Variants in SHPK observed in about 807,000 individuals in gnomAD.
SHPK encodes the protein carbohydrate kinase-like protein.
A neutral mutation model predicts 46.3 loss-of-function variants in SHPK; 51 were observed. The observed-to-expected ratio is 1.10, with a 90% CI of 0.88 to 1.39. SHPK has a LOEUF of 1.39. SHPK is among the 40% of genes most tolerant of loss of function. The pLI, the probability that SHPK is intolerant of heterozygous loss-of-function variation, is 0.00. For synonymous variants in SHPK, 290 were observed against 273.9 expected, an observed-to-expected ratio of 1.06 and a Z score of -0.58; for missense variants, 668 against 641.3, an observed-to-expected ratio of 1.04 and a Z score of -0.45.
Position 3,623,492 on chromosome 17 carries a change from C to A in SHPK, c.495-1G>T. ...GTCGTAGGACTTCAGGAACTCTGGG[C>A]TGTTTTTCATACCAAAAACAACCAA... is the stretch of plus-strand genomic sequence containing the variant. On this transcript the variant is annotated splice_acceptor_variant, in intron 3 of 6. Transcript: ENST00000225519. LOFTEE classifies it high-confidence loss of function. The A allele has an allele frequency of 6.2e-7, 1 of 1,613,856 alleles. No individual in the cohort carries two copies. The highest frequency in any genetic ancestry group is 8.5e-7 in the Non-Finnish European group (1 of 1,179,856).
At chr17:3,626,933 C>T (rs2075442104) in intron 2 of SHPK, among the ~76,000 whole-genome samples, 1 of 152,002 alleles carries the variant, frequency 6.6e-6, no homozygotes, top group Non-Finnish European at 1.5e-5. Flanking sequence ...CAGTTTTCCA[C>T]TCCCTTTGCC....
chr17:3,630,015 C>A (rs2075460632), intron 2 of SHPK, among the ~76,000 whole-genome samples, 190 bp downstream of exon 2: 1 of 152,074 alleles, frequency 6.6e-6, no homozygotes. Context: ...TGGGCAGTTC[C>A]TTTGTTCACC....
chr17:3,623,536 C>T (rs574320027), intron 3 of SHPK, 45 bp from the exon 4 acceptor site: 9 of 1,602,414 alleles, frequency 5.6e-6, no homozygotes, highest in African/African-American at 5.3e-5. Context: ...AACATGAACT[C>T]GGAAGCATGT....
rs368263104 is a variant in SHPK, at chr17:3,633,572, G to A, written c.168+2480C>T. Reference sequence around the variant, plus strand: ...CCAGAGCACGATTCATATGTGGTGTGGGGGGGTTAATGACTGGCCTCCGCT... The same window carrying A: ...CCAGAGCACGATTCATATGTGGTGTAGGGGGGTTAATGACTGGCCTCCGCT... On this transcript the variant is annotated intron_variant, in intron 1 of 6. Coordinates refer to ENST00000225519, the MANE Select transcript of SHPK (RefSeq NM_013276.4). 3.2e-4 allele frequency among the ~76,000 whole-genome samples: 48 copies of A among 152,144 alleles called. 1 individual carries two copies. Among genetic ancestry groups the A allele is most frequent in the African/African-American group, 1.1e-3 (46 of 41,510 alleles).
chr17:3,634,947 A>G (rs148874999), intron 1 of SHPK, among the ~76,000 whole-genome samples: 9,217 of 152,016 alleles, frequency 0.061, 296 homozygotes, highest in Middle Eastern at 0.12. Flanking sequence ...TGAAGTGGGC[A>G]GATCACTTGA....
In SHPK at chr17:3,609,346, AG is replaced by A. The variant is rs869160304; in HGVS notation, c.*1213del. 1.3e-5 allele frequency: 2 copies of A among 151,940 alleles called. No individual in the cohort carries two copies. The highest frequency in any genetic ancestry group is 2.9e-5 in the Non-Finnish European group (2 of 68,016). The allele number at this position is 151,940 out of a possible 1,614,324, so 9.4% of individuals were successfully genotyped here. A position where few individuals can be genotyped will look rare whatever the true frequency, so the allele number is the denominator to read the frequency against. On this transcript the variant is annotated 3_prime_UTR_variant, in exon 7 of 7. Transcript: ENST00000225519. ...CTGAGAGAGAGAGAGAGAGAGAGAG[AG>A]AGAATACGACTGCTTCCCAAACTCG... is the stretch of plus-strand genomic sequence containing the variant.
chr17:3,629,605 G>A (rs572507481), intron 2 of SHPK, among the ~76,000 whole-genome samples: 74 of 151,940 alleles, frequency 4.9e-4, no homozygotes, highest in Admixed American at 1.1e-3. Flanking sequence ...GCAGGCACCT[G>A]TAGTCCCAGC....
intron 6 of SHPK, among the ~76,000 whole-genome samples, chr17:3,611,804 T>G (rs1231992496): frequency 6.8e-5 from 10 of 146,678 alleles, no homozygotes; most frequent in African/African-American, 1.3e-4. Flanking sequence ...GCGGGTTTTT[T>G]TTTTTTTTTT....
chr17:3,622,378 ACT>A (rs1354796620), intron 4 of SHPK, among the ~76,000 whole-genome samples: 1 of 152,114 alleles, frequency 6.6e-6, no homozygotes, highest in East Asian at 1.9e-4. Flanking sequence ...GAGCTCAAAA[ACT>A]CTGCAAAGGG....
chr17:3,635,486 C>A (rs1264384747), intron 1 of SHPK, among the ~76,000 whole-genome samples: 2 of 152,160 alleles, frequency 1.3e-5, no homozygotes, highest in Admixed American at 6.5e-5. Context: ...CCGCCCGCCT[C>A]GGCCTCCCAA....
intron 6 of SHPK, 92 bp from the exon 7 acceptor site, chr17:3,611,064 C>T: frequency 8.4e-7 from 1 of 1,186,376 alleles, no homozygotes; most frequent in South Asian, 1.4e-5. Flanking sequence ...GGGAACAGCG[C>T]TACTTGCTGC....
intron 6 of SHPK, among the ~76,000 whole-genome samples, chr17:3,615,126 GA>G (rs1207331060): frequency 6.6e-6 from 1 of 152,158 alleles, no homozygotes. Flanking sequence ...CTGACCCAAA[GA>G]AAAGAGTAGG....
chr17:3,614,862 A>AAG (rs1555553781), intron 6 of SHPK, among the ~76,000 whole-genome samples: 29 of 146,324 alleles, frequency 2.0e-4, no homozygotes, highest in African/African-American at 6.3e-4. Flanking sequence ...AAAAAAAAAA[A>AAG]GAAGAAGAAG....
Position 3,635,751 on chromosome 17 carries a change from C to T in SHPK, c.168+301G>A, listed in dbSNP as rs186130275. ...ATTCCATACACACAAGAGATCAGTTCCTCCAAGGTCAGGGGACAGAGAGCA... is the reference window on the plus strand; with the variant it reads ...ATTCCATACACACAAGAGATCAGTTTCTCCAAGGTCAGGGGACAGAGAGCA... On this transcript the variant is annotated intron_variant, in intron 1 of 6. Coordinates refer to ENST00000225519, the MANE Select transcript of SHPK (RefSeq NM_013276.4). Among the ~76,000 whole-genome samples, 373 of 152,288 alleles carry T rather than the reference C, an allele frequency of 2.4e-3. 1 individual carries two copies. The highest frequency in any genetic ancestry group is 4.4e-3 in the Non-Finnish European group (297 of 68,018).
At chr17:3,623,223 G>T (rs1208219077) in intron 4 of SHPK, 116 bp downstream of exon 4, 1 of 1,167,850 alleles carries the variant, frequency 8.6e-7, no homozygotes, top group East Asian at 2.4e-5. Context: ...CCCTGATCCT[G>T]GCCTCTGGGA....
At chr17:3,634,571 CAAAA>C (rs11311796) in intron 1 of SHPK, among the ~76,000 whole-genome samples, 6 of 89,756 alleles carry the variant, frequency 6.7e-5, no homozygotes, top group African/African-American at 9.2e-5. Context: ...GACCCTGTCT[CAAAA>C]AAAAAAAAAA....
At chr17:3,617,680 C>G (rs1349165556) in intron 5 of SHPK, among the ~76,000 whole-genome samples, 1 of 152,086 alleles carries the variant, frequency 6.6e-6, no homozygotes, top group African/African-American at 2.4e-5. Context: ...ACAAACAATT[C>G]CAAACACCTC....
At chr17:3,611,995 G>T (rs1040720477) in intron 6 of SHPK, among the ~76,000 whole-genome samples, 1 of 151,508 alleles carries the variant, frequency 6.6e-6, no homozygotes, top group Non-Finnish European at 1.5e-5. Flanking sequence ...GTAGAGACAA[G>T]GTTTTACTAC....
rs1281284707 is a variant in SHPK, at chr17:3,615,511, G to C, written c.850C>G (p.Leu284Val). The C allele has an allele frequency of 1.2e-6, 2 of 1,614,206 alleles. No homozygotes were observed. Among genetic ancestry groups the C allele is most frequent in the African/African-American group, 1.3e-5 (1 of 75,060 alleles). ...AVLNISTSVQ[L>V]AASMPSGFQP... ...AATCCTGAAGGCATGGAGGCTGCCA[G>C]CTGAACCGAGGTGCTGATGTTGAGA... is the stretch of plus-strand genomic sequence containing the variant. Residue 284 changes from leucine (L) to valine (V), a missense_variant, in exon 6 of 7, where the codon CTG becomes GTG. Physicochemically the swap from Leu to Val is conservative, Grantham distance 32. Transcript: ENST00000225519.
Sources: allele counts gnomAD v4.1 joint callset (sites outside exome capture counted in the v4.1 genomes callset), GRCh38; gene constraint gnomAD v4.1.1; transcripts MANE v1.5; gene names NCBI Gene and HGNC (gene_info 2026-07-23, HGNC 2026-07-21).